Variants in RAPGEF4 observed in about 807,000 individuals in gnomAD.
The protein encoded by RAPGEF4 is Rap guanine nucleotide exchange factor 4.
Under a neutral mutation model 147.9 loss-of-function variants are expected in RAPGEF4, and 66 were observed. The ratio of observed to expected loss-of-function variants is 0.45; its 90% CI spans 0.37 to 0.55. The LOEUF is 0.55. Among genes scored for constraint, RAPGEF4 ranks in the 20% least tolerant of loss-of-function variants. The pLI is 0.00. For missense variants in RAPGEF4, 1,071 were observed against 1,257.3 expected (o/e 0.85, Z 2.24); for synonymous variants, 419 against 442.7 (o/e 0.95, Z 0.67).
At chr2:173,022,435 G>C (rs1412962519) in intron 23 of RAPGEF4, among the ~76,000 whole-genome samples, 1 of 152,016 alleles carries the variant, frequency 6.6e-6, no homozygotes, top group Non-Finnish European at 1.5e-5. Context: ...GCTGTGAGTG[G>C]CCAAACCTTA....
intron 1 of RAPGEF4, chr2:172,744,449 G>C (rs772467112): frequency 4.4e-6 from 2 of 456,312 alleles, no homozygotes; most frequent in Admixed American, 2.4e-5. Flanking sequence ...CAAACGTTGC[G>C]TGGTCATCTC....
intron 23 of RAPGEF4, among the ~76,000 whole-genome samples, chr2:173,025,611 T>A (rs1017828884): frequency 6.6e-6 from 1 of 152,068 alleles, no homozygotes; most frequent in Non-Finnish European, 1.5e-5. Context: ...CCCAGCTAAT[T>A]TTTGTATTTT....
At chr2:172,972,708 T>G (rs1016537839) in intron 10 of RAPGEF4, among the ~76,000 whole-genome samples, 9 of 152,346 alleles carry the variant, frequency 5.9e-5, no homozygotes, top group Admixed American at 3.3e-4. Flanking sequence ...GCTACCTTTA[T>G]GATTAAGATT....
intron 26 of RAPGEF4, among the ~76,000 whole-genome samples, chr2:173,033,610 C>T (rs780648010): frequency 3.3e-5 from 5 of 152,164 alleles, no homozygotes; most frequent in Non-Finnish European, 7.3e-5. Context: ...TATTCAGACT[C>T]TTCTAGTCTA....
At position 172,947,941 on chromosome 2, in the gene RAPGEF4, C is replaced by T. The variant is rs572291677; in HGVS notation, c.538-12819C>T. On this transcript the variant is annotated intron_variant, in intron 6 of 30. Coordinates refer to ENST00000397081, the MANE Select transcript of RAPGEF4 (RefSeq NM_007023.4). The stretch of plus-strand genomic sequence containing the variant: ...AGAATGTCACCACCACCCCAGAAGC[C>T]TACCTCATGTTTCCTTCTAGCCACT... Among the ~76,000 whole-genome samples the T allele has an allele frequency of 1.1e-4, 16 of 152,322 alleles. No homozygotes were observed. In the East Asian group the frequency reaches 3.1e-3, roughly 29 times the overall value.
At chr2:172,972,046 C>A (rs2105551952) in intron 10 of RAPGEF4, among the ~76,000 whole-genome samples, 1 of 116,846 alleles carries the variant, frequency 8.6e-6, no homozygotes, top group East Asian at 2.9e-4. Flanking sequence ...TGAAAGGCAA[C>A]AATTTAAGAT....
At chr2:172,782,977 G>T (rs1244522021) in intron 1 of RAPGEF4, among the ~76,000 whole-genome samples, 2 of 152,174 alleles carry the variant, frequency 1.3e-5, no homozygotes, top group African/African-American at 4.8e-5. Context: ...TTGAAAAGGG[G>T]CTGTTAAAAT....
intron 4 of RAPGEF4, among the ~76,000 whole-genome samples, chr2:172,823,732 T>C (rs1257917166): frequency 6.6e-6 from 1 of 152,194 alleles, no homozygotes; most frequent in Non-Finnish European, 1.5e-5. Flanking sequence ...ATTCCTGCAG[T>C]CTTGCCCCTG....
intron 17 of RAPGEF4, among the ~76,000 whole-genome samples, chr2:173,009,598 A>G (rs951599743): frequency 6.6e-5 from 10 of 151,984 alleles, no homozygotes; most frequent in African/African-American, 1.9e-4. Context: ...CAAAAAAAAA[A>G]TCTGAAATCC....
intron 4 of RAPGEF4, among the ~76,000 whole-genome samples, chr2:172,873,003 A>C (rs1489893837): frequency 3.3e-5 from 5 of 152,192 alleles, no homozygotes; most frequent in Admixed American, 2.0e-4. Context: ...TGGGTGCATT[A>C]GTCAAATGCA....
chr2:173,003,126 G>A (rs1378833623), intron 17 of RAPGEF4, among the ~76,000 whole-genome samples: 3 of 149,980 alleles, frequency 2.0e-5, no homozygotes, highest in African/African-American at 4.8e-5. Flanking sequence ...CAAACACTGC[G>A]CTTGTCTTTT....
chr2:173,001,317 C>T lies in RAPGEF4; in HGVS notation c.1631C>T (p.Thr544Ile). The T allele has an allele frequency of 1.2e-6, 2 of 1,614,012 alleles. No homozygotes were observed. Among genetic ancestry groups the T allele is most frequent in the Non-Finnish European group, 1.7e-6 (2 of 1,179,950 alleles). The change falls in exon 17 of 31, where the codon ACC becomes ATC. Residue 544 changes from threonine to isoleucine, a missense_variant. Thr to Ile is a moderately conservative substitution (Grantham distance 89). Coordinates refer to ENST00000397081, the MANE Select transcript of RAPGEF4 (RefSeq NM_007023.4). Reference protein sequence around the residue: ...IMMHCVFMPNTQLCPALVAHY... With the variant: ...IMMHCVFMPNIQLCPALVAHY... ...ATGCACTGTGTTTTTATGCCAAATA[C>T]CCAGCTTTGCCCGGCACTGGTGGCC...
intron 6 of RAPGEF4, among the ~76,000 whole-genome samples, chr2:172,955,525 GATCACATTGT>G (rs962016831): frequency 5.3e-5 from 8 of 152,170 alleles, no homozygotes; most frequent in Non-Finnish European, 7.3e-5. Flanking sequence ...GCGGTTTTAG[GATCACATTGT>G]CACAGCCCCA....
intron 17 of RAPGEF4, among the ~76,000 whole-genome samples, chr2:173,006,174 A>G (rs1694464725): frequency 6.6e-6 from 1 of 152,222 alleles, no homozygotes; most frequent in South Asian, 2.1e-4. Flanking sequence ...TACAACCATG[A>G]TGGGAATGAA....
chr2:172,990,778 G>A (rs1443037275), intron 14 of RAPGEF4, 32 bp from the exon 15 acceptor site: 1 of 1,515,564 alleles, frequency 6.6e-7, no homozygotes, highest in Middle Eastern at 1.7e-4. Flanking sequence ...GTAAGCGGCA[G>A]CATCTGTATG....
intron 4 of RAPGEF4, among the ~76,000 whole-genome samples, chr2:172,899,936 G>A (rs1340927527): frequency 2.6e-5 from 4 of 152,178 alleles, no homozygotes; most frequent in African/African-American, 9.6e-5. Context: ...GGTGGATTAG[G>A]GAACGCTGTG....
In RAPGEF4 at chr2:172,742,050, G is replaced by A. The variant is rs1006907507; in HGVS notation, c.65+6002G>A. Among the ~76,000 whole-genome samples, 4 of 151,942 alleles carry A rather than the reference G, an allele frequency of 2.6e-5. No homozygotes were observed. In the South Asian group the frequency reaches 6.2e-4, roughly 24 times the overall value. ...AACCTTGTTTTGTTTATACCTTCAC[G>A]CGCTCCCCACTCCCCCCAGGATTAT... On this transcript the variant is annotated intron_variant, in intron 1 of 30. Coordinates refer to ENST00000397081, the MANE Select transcript of RAPGEF4 (RefSeq NM_007023.4).
intron 1 of RAPGEF4, among the ~76,000 whole-genome samples, chr2:172,755,511 A>G (rs748522077): frequency 6.6e-6 from 1 of 152,086 alleles, no homozygotes; most frequent in Non-Finnish European, 1.5e-5. Context: ...CTCCTGCCTC[A>G]GCCTCCCAAG....
At chr2:172,841,128 A>G (rs1375341426) in intron 4 of RAPGEF4, among the ~76,000 whole-genome samples, 2 of 152,196 alleles carry the variant, frequency 1.3e-5, no homozygotes, top group Non-Finnish European at 2.9e-5. Flanking sequence ...TTGGAATTTG[A>G]TCTCACTGTT....
Sources: gnomAD v4.1 joint callset for allele counts (sites outside exome capture counted in the v4.1 genomes callset) on GRCh38, gnomAD v4.1.1 for gene constraint, MANE v1.5 for transcripts, NCBI Gene and HGNC (gene_info 2026-07-23, HGNC 2026-07-21) for gene names.